The following ETV1 variants were observed in gnomAD, a reference collection of about 807,000 sequenced individuals.
The protein encoded by ETV1 is ETS variant transcription factor 1.
ETV1 carries 27 observed loss-of-function variants against 62.3 expected under a neutral mutation model. The observed-to-expected ratio is 0.43, with a 90% confidence interval of 0.32 to 0.60. ETV1 has a LOEUF of 0.60. Ranked by LOEUF, ETV1 falls within the 20% of genes least tolerant of loss-of-function variation. The probability of loss-of-function intolerance (pLI) is 0.06; values close to 1 mark genes in which losing one functional copy is unlikely to be tolerated. For missense variants in ETV1, 605 were observed against 605.8 expected (o/e 1.00, Z 0.01); for synonymous variants, 222 against 199.6 (o/e 1.11, Z -0.94).
intron 9 of ETV1, among the ~76,000 whole-genome samples, chr7:13,921,795 A>G (rs1370337164): frequency 6.6e-6 from 1 of 152,220 alleles, no homozygotes; most frequent in Non-Finnish European, 1.5e-5. Flanking sequence ...TGAACCCACC[A>G]TTCAGAAAAA....
intron 6 of ETV1, among the ~76,000 whole-genome samples, chr7:13,970,916 T>C (rs2128493265): frequency 6.6e-6 from 1 of 152,200 alleles, no homozygotes; most frequent in South Asian, 2.1e-4. Context: ...TATTTCTTTT[T>C]TCCACTTCAT....
intron 6 of ETV1, among the ~76,000 whole-genome samples, chr7:13,940,088 C>T (rs756969057): frequency 4.0e-4 from 61 of 152,266 alleles, no homozygotes; most frequent in African/African-American, 1.1e-3. Context: ...ATAGGCCGGG[C>T]GCCGTGGCTC....
At chr7:13,990,083 T>C (rs1773882010), upstream of ETV1, 1 of 153,308 alleles carries the variant, frequency 6.5e-6, no homozygotes, top group African/African-American at 2.4e-5. Context: ...TACCGCCTTA[T>C]TCAGCTGCCC....
chr7:13,988,483 T>A, intron 3 of ETV1: 1 of 640,944 alleles, frequency 1.6e-6, no homozygotes. Context: ...CTTAAAGTTG[T>A]TTTTAGGCTG....
intron 8 of ETV1, among the ~76,000 whole-genome samples, chr7:13,934,724 T>C (rs944042531): frequency 1.3e-5 from 2 of 152,252 alleles, no homozygotes; most frequent in Non-Finnish European, 2.9e-5. Flanking sequence ...CTTATGTCTC[T>C]GGTATCCGTA....
At position 13,906,402 on chromosome 7, in the gene ETV1, T is replaced by G. The variant is rs184679518; in HGVS notation, c.1110+28A>C. On this transcript the variant is annotated intron_variant, in intron 12 of 13. Coordinates refer to ENST00000430479, the MANE Select transcript of ETV1 (RefSeq NM_004956.5). The stretch of plus-strand genomic sequence containing the variant: ...TTCTTTATGTTATAACATGTCTGAG[T>G]GTCCTAATTAAAATCTATTAAACTA... 6 of 1,436,002 alleles carry G rather than the reference T, an allele frequency of 4.2e-6. No individual in the cohort carries two copies. In the Middle Eastern group the frequency reaches 9.1e-4, roughly 219 times the overall value. The allele number at this position is 1,436,002 out of a possible 1,614,324, so 89.0% of individuals were successfully genotyped here. A position where few individuals can be genotyped will look rare whatever the true frequency, so the allele number is the denominator to read the frequency against.
intron 5 of ETV1, among the ~76,000 whole-genome samples, chr7:13,982,122 T>C (rs984742228): frequency 1.3e-5 from 2 of 152,090 alleles, no homozygotes; most frequent in African/African-American, 4.8e-5. Flanking sequence ...AACAGTAAAG[T>C]TTTAGTCGTT....
intron 3 of ETV1, 66 bp from the exon 4 acceptor site, chr7:13,988,239 C>CGT (rs1782729924): frequency 3.4e-6 from 3 of 888,662 alleles, no homozygotes; most frequent in Non-Finnish European, 5.5e-6. Context: ...CGCACACGCG[C>CGT]GCGCACACAC....
At chr7:13,984,183 G>A (rs963408030) in intron 5 of ETV1, among the ~76,000 whole-genome samples, 1 of 151,944 alleles carries the variant, frequency 6.6e-6, no homozygotes, top group African/African-American at 2.4e-5. Context: ...TAACTCATGC[G>A]AGAAACTTGA....
chr7:13,962,068 GTA>G (rs961043365), intron 6 of ETV1, among the ~76,000 whole-genome samples: 1 of 151,816 alleles, frequency 6.6e-6, no homozygotes, highest in African/African-American at 2.4e-5. Context: ...TATGTTTTGT[GTA>G]TTTCATATAT....
intron 8 of ETV1, among the ~76,000 whole-genome samples, chr7:13,932,371 T>A (rs1469033815): frequency 6.6e-6 from 1 of 152,168 alleles, no homozygotes; most frequent in African/African-American, 2.4e-5. Context: ...CCAAGCCGGT[T>A]GTAAAAAGAC....
Position 13,989,008 on chromosome 7 carries a change from A to T in ETV1, c.45T>A (p.Asn15Lys), listed in dbSNP as rs373945413. 1.5e-5 allele frequency: 24 copies of T among 1,603,852 alleles called. No homozygotes were observed. Among genetic ancestry groups the T allele is most frequent in the Non-Finnish European group, 2.0e-5 (23 of 1,174,772 alleles). Residue 15 changes from asparagine to lysine, a missense_variant and splice_region_variant, in exon 3 of 14, where the codon AAT becomes AAA. Physicochemically the swap from Asn to Lys is moderately conservative, Grantham distance 94. Around this residue, in one of 3 missense-constraint regions of ETV1, gnomAD observed 426 missense variants for 377.8 expected, o/e 1.13. Coordinates refer to ENST00000430479, the MANE Select transcript of ETV1 (RefSeq NM_004956.5). ...AGCAACTTTCAAACTGATCACTCAC[A>T]TTGGTGACCATGTAAGGCACTTGCT... ...YDQQVPYMVTNSQRGRNCNEK... is the reference protein window; with the variant it reads ...YDQQVPYMVTKSQRGRNCNEK...
At chr7:13,919,151 C>T (rs1214268934) in intron 9 of ETV1, among the ~76,000 whole-genome samples, 1 of 152,058 alleles carries the variant, frequency 6.6e-6, no homozygotes, top group African/African-American at 2.4e-5. Context: ...ATAAACATAA[C>T]CATATTTACC....
chr7:13,896,097 A>T lies in ETV1; in HGVS notation c.1213-10T>A, dbSNP rs377587167. On this transcript the variant is annotated splice_polypyrimidine_tract_variant and intron_variant, in intron 13 of 13. Transcript: ENST00000430479. Reference sequence around the variant, plus strand: ...ATCTCTCTCCAGCCACCTGATGATAACATGGAAGAGAAAAACCCATCCTCA... The same window carrying T: ...ATCTCTCTCCAGCCACCTGATGATATCATGGAAGAGAAAAACCCATCCTCA... The T allele has an allele frequency of 1.8e-5, 29 of 1,607,646 alleles. No homozygotes were observed. Among genetic ancestry groups the T allele is most frequent in the Middle Eastern group, 3.3e-4 (2 of 6,072 alleles).
At chr7:13,950,899 AACACACACACACACACACAC>A (rs67539493) in intron 6 of ETV1, among the ~76,000 whole-genome samples, 5 of 138,814 alleles carry the variant, frequency 3.6e-5, no homozygotes, top group South Asian at 2.5e-4. Flanking sequence ...CTTCTCTAGG[AACACACACACACACACACAC>A]ACACACACAC....
intron 5 of ETV1, among the ~76,000 whole-genome samples, chr7:13,981,935 G>A (rs1011211547): frequency 6.6e-6 from 1 of 152,010 alleles, no homozygotes; most frequent in East Asian, 1.9e-4. Flanking sequence ...AGTCCACTAA[G>A]CTTGGTTTTA....
At chr7:13,941,838 A>G (rs1190124586) in intron 6 of ETV1, among the ~76,000 whole-genome samples, 1 of 150,780 alleles carries the variant, frequency 6.6e-6, no homozygotes, top group Non-Finnish European at 1.5e-5. Flanking sequence ...ACTCCAGCCT[A>G]GGTGACAGAG....
At chr7:13,986,034 TAACAC>T in intron 5 of ETV1, 1 of 1,109,226 alleles carries the variant, frequency 9.0e-7, no homozygotes, top group Non-Finnish European at 1.3e-6. Flanking sequence ...ACATGAATAG[TAACAC>T]ATGGAAAACA....
intron 6 of ETV1, among the ~76,000 whole-genome samples, chr7:13,947,436 C>G (rs1460769801): frequency 6.7e-6 from 1 of 149,908 alleles, no homozygotes; most frequent in African/African-American, 2.4e-5. Flanking sequence ...AATATTTAAC[C>G]ATTTTCAAAG....
Sources: gnomAD v4.1 joint callset for allele counts (sites outside exome capture counted in the v4.1 genomes callset) on GRCh38, gnomAD v4.1.1 for gene constraint, gnomAD v4.1.1 regional missense constraint, MANE v1.5 for transcripts, NCBI Gene and HGNC (gene_info 2026-07-23, HGNC 2026-07-21) for gene names.